PLXNA4: variants seen among roughly 807,000 people sequenced by gnomAD.
PLXNA4 encodes plexin A4.
Under a neutral mutation model 191.8 loss-of-function variants are expected in PLXNA4, and 44 were observed. That is an observed-to-expected ratio of 0.23 (90% CI 0.18 to 0.29). The LOEUF is 0.29. Ranked by LOEUF, PLXNA4 falls within the 10% of genes least tolerant of loss-of-function variation. The pLI, the probability that PLXNA4 is intolerant of heterozygous loss-of-function variation, is 1.00. For synonymous variants in PLXNA4, 1,082 were observed against 1,009.5 expected, an observed-to-expected ratio of 1.07 and a Z score of -1.36; for missense variants, 1,800 against 2,488.8, an observed-to-expected ratio of 0.72 and a Z score of 5.89.
chr7:132,250,776 A>G (rs1009755795), intron 4 of PLXNA4, among the ~76,000 whole-genome samples: 3 of 152,178 alleles, frequency 2.0e-5, no homozygotes, highest in Admixed American at 2.0e-4. Flanking sequence ...CTAGCTGCCA[A>G]TCCTCTTATT....
At chr7:132,270,014 A>C (rs977246422) in intron 4 of PLXNA4, among the ~76,000 whole-genome samples, 1 of 152,182 alleles carries the variant, frequency 6.6e-6, no homozygotes, top group African/African-American at 2.4e-5. Flanking sequence ...CTCAGAATCC[A>C]TTCGGTTCAC....
At chr7:132,436,547 G>C (rs945302558) in intron 3 of PLXNA4, among the ~76,000 whole-genome samples, 2 of 152,200 alleles carry the variant, frequency 1.3e-5, no homozygotes, top group African/African-American at 2.4e-5. Flanking sequence ...AATGCAGTGG[G>C]AGATCCCAAT....
chr7:132,277,192 G>A (rs1414673876), intron 4 of PLXNA4, among the ~76,000 whole-genome samples: 2 of 152,138 alleles, frequency 1.3e-5, no homozygotes, highest in East Asian at 3.9e-4. Context: ...TACTTATTCA[G>A]GGAATACTTG....
chr7:132,148,042 G>T, intron 26 of PLXNA4, 43 bp from the exon 27 acceptor site: 2 of 1,613,596 alleles, frequency 1.2e-6, no homozygotes, highest in Non-Finnish European at 1.7e-6. Flanking sequence ...CAGCAGCTCT[G>T]CCACTCCAGG....
At chr7:132,367,692 T>C (rs1804247060) in intron 3 of PLXNA4, 2 of 152,242 alleles carry the variant, frequency 1.3e-5, no homozygotes, top group South Asian at 4.2e-4. Context: ...CATCGGCTGA[T>C]ACAGCTGACC....
chr7:132,282,815 A>G (rs1800535547), intron 4 of PLXNA4, among the ~76,000 whole-genome samples: 1 of 152,046 alleles, frequency 6.6e-6, no homozygotes, highest in Non-Finnish European at 1.5e-5. Flanking sequence ...AACAGTAAAT[A>G]AGTAGCCTCC....
At chr7:132,487,128 C>T (rs1336939865) in intron 3 of PLXNA4, among the ~76,000 whole-genome samples, 1 of 152,192 alleles carries the variant, frequency 6.6e-6, no homozygotes, top group Non-Finnish European at 1.5e-5. Flanking sequence ...GTTATGTGCA[C>T]TGAACTCTCA....
At chr7:132,259,482 G>GAAAAAAAAAAAAAAAAAAAAAAAAA (rs1414792493) in intron 4 of PLXNA4, among the ~76,000 whole-genome samples, 2 of 111,364 alleles carry the variant, frequency 1.8e-5, no homozygotes, top group African/African-American at 3.5e-5. Flanking sequence ...AAGAAAAAAG[G>GAAAAAAAAAAAAAAAAAAAAAAAAA]AAAAAAGAAA....
intron 5 of PLXNA4, among the ~76,000 whole-genome samples, chr7:132,229,325 G>A (rs1798444237): frequency 6.6e-6 from 1 of 152,212 alleles, no homozygotes. Flanking sequence ...GGATCTTGCA[G>A]TCCTAGCTGA....
chr7:132,293,148 T>TAGG (rs1446750100), intron 4 of PLXNA4, among the ~76,000 whole-genome samples: 1 of 152,076 alleles, frequency 6.6e-6, no homozygotes, highest in African/African-American at 2.4e-5. Context: ...CCCCTGATGG[T>TAGG]AGGAGGGGTC....
chr7:132,600,550 A>G (rs1259107160), intron 2 of PLXNA4, among the ~76,000 whole-genome samples: 1 of 151,994 alleles, frequency 6.6e-6, no homozygotes, highest in Non-Finnish European at 1.5e-5. Flanking sequence ...TTTTTTGTAG[A>G]GACAAGATCT....
At chr7:132,486,501 C>G (rs1461022435) in intron 3 of PLXNA4, among the ~76,000 whole-genome samples, 1 of 152,248 alleles carries the variant, frequency 6.6e-6, no homozygotes, top group Non-Finnish European at 1.5e-5. Flanking sequence ...AGTCTGCAGG[C>G]ACGGGAGCCG....
chr7:132,475,668 T>C (rs1455422179), intron 3 of PLXNA4, among the ~76,000 whole-genome samples: 2 of 152,108 alleles, frequency 1.3e-5, no homozygotes, highest in Non-Finnish European at 1.5e-5. Flanking sequence ...AAGCTAATTA[T>C]GGGACTCACA....
chr7:132,634,153 C>T (rs1006502201), intron 2 of PLXNA4, among the ~76,000 whole-genome samples: 3 of 152,090 alleles, frequency 2.0e-5, no homozygotes, highest in Admixed American at 2.0e-4. Context: ...TTGGCCCATT[C>T]CTTGGAATGC....
Position 132,576,450 on chromosome 7 carries a change from C to T in PLXNA4, c.-115G>A. The T allele has an allele frequency of 1.0e-6, 1 of 985,680 alleles. No homozygotes were observed. Among genetic ancestry groups the T allele is most frequent in the Non-Finnish European group, 1.2e-6 (1 of 829,956 alleles). The allele number at this position is 985,680 out of a possible 1,614,324, so 61.1% of individuals were successfully genotyped here. On this transcript the variant is annotated 5_prime_UTR_variant, in exon 1 of 32. Transcript: ENST00000321063. The surrounding 1 kb of genome is among the most constrained non-coding windows in gnomAD (Gnocchi z 5.8). ...GACGCGCCGCGTTTCCCTCCTTCAG[C>T]GGGAGCGCCGCATTGACACTGCAGA...
chr7:132,465,565 A>T (rs1796668065), intron 3 of PLXNA4, among the ~76,000 whole-genome samples: 1 of 152,202 alleles, frequency 6.6e-6, no homozygotes, highest in South Asian at 2.1e-4. Context: ...AATGTAGTCC[A>T]ACAGTAACAC....
chr7:132,211,215 C>G, intron 9 of PLXNA4, 72 bp from the exon 10 acceptor site: 1 of 1,454,448 alleles, frequency 6.9e-7, no homozygotes, highest in Middle Eastern at 1.7e-4. Context: ...GCAGACATAA[C>G]CCGGATGTTC....
intron 14 of PLXNA4, among the ~76,000 whole-genome samples, chr7:132,188,993 G>GGAGA (rs1235676896): frequency 5.6e-5 from 2 of 35,564 alleles, no homozygotes; most frequent in African/African-American, 1.5e-4. Flanking sequence ...GGAAAGGAAA[G>GGAGA]GAGAGAGAGA....
At position 132,612,235 on chromosome 7, in the gene PLXNA4, C is replaced by T. The variant is rs567606641; in HGVS notation, c.-87+33693G>A. Among the ~76,000 whole-genome samples, 5 of 152,286 alleles carry T rather than the reference C, an allele frequency of 3.3e-5. No homozygotes were observed. In the East Asian group the frequency reaches 7.7e-4, roughly 24 times the overall value. On this transcript the variant is annotated intron_variant, in intron 2 of 4. Coordinates refer to the PLXNA4 transcript ENST00000378539. The stretch of plus-strand genomic sequence containing the variant: ...CTGCAGAGGACACTGGGAAATAGCA[C>T]CTGTTAGCTACATGCATTGTGTGAC...
Sources: allele counts gnomAD v4.1 joint callset (sites outside exome capture counted in the v4.1 genomes callset), GRCh38; gene constraint gnomAD v4.1.1; non-coding constraint Gnocchi (gnomAD v3.1); transcripts MANE v1.5; gene names NCBI Gene and HGNC (gene_info 2026-07-23, HGNC 2026-07-21).